Variants in TJP1 observed in about 807,000 individuals in gnomAD.
TJP1 encodes tight junction protein 1.
Under a neutral mutation model 194.2 loss-of-function variants are expected in TJP1, and 43 were observed. The observed-to-expected ratio is 0.22, with a 90% CI of 0.17 to 0.29. The LOEUF (loss-of-function observed/expected upper bound fraction) is 0.29, where lower values mean the gene tolerates loss of function less well. TJP1 is among the 10% of genes least tolerant of loss of function. The pLI, the probability that TJP1 is intolerant of heterozygous loss-of-function variation, is 1.00. For missense variants in TJP1, 1,971 were observed against 2,185.7 expected, an observed-to-expected ratio of 0.90 and a Z score of 1.96; for synonymous variants, 801 against 779.0, an observed-to-expected ratio of 1.03 and a Z score of -0.47.
rs538706229 is a variant in TJP1, at chr15:29,701,913, T to A, written c.5213-224A>T. Among the ~76,000 whole-genome samples the A allele has an allele frequency of 4.6e-5, 7 of 152,176 alleles. 1 individual carries two copies. The South Asian group carries it at 1.5e-3, about 32-fold the overall frequency. On this transcript the variant is annotated intron_variant, in intron 27 of 27. Coordinates refer to ENST00000614355, the MANE Select transcript of TJP1 (RefSeq NM_001330239.4). Reference sequence around the variant, plus strand: ...TCTAAAAAAATTTTTTTTAAAACGTTCTTTCTAACTCACACCATTAAGAAC... The same window carrying A: ...TCTAAAAAAATTTTTTTTAAAACGTACTTTCTAACTCACACCATTAAGAAC...
chr15:29,830,496 A>G (rs895802786), intron 2 of TJP1, among the ~76,000 whole-genome samples: 1 of 150,522 alleles, frequency 6.6e-6, no homozygotes, highest in African/African-American at 2.4e-5. Context: ...TTTCAAAGTA[A>G]TATTAACATT....
chr15:29,923,603 T>C (rs1485348014), intron 2 of TJP1, among the ~76,000 whole-genome samples: 2 of 152,068 alleles, frequency 1.3e-5, no homozygotes, highest in Admixed American at 6.5e-5. Flanking sequence ...ATATCCCAAA[T>C]AGGAAAATCT....
chr15:29,949,793 T>A (rs374964458), intron 2 of TJP1, among the ~76,000 whole-genome samples: 91 of 37,136 alleles, frequency 2.5e-3, no homozygotes, highest in East Asian at 0.011. Context: ...CACCACCACC[T>A]CCACCACAAC....
rs2042578347 is a variant in TJP1 at position 29,716,600 on chromosome 15, A to T, written c.4202+11T>A. On this transcript the variant is annotated intron_variant, in intron 23 of 27. Transcript: ENST00000614355. ...GCATCCTATTTTTAAAAGCCAGGTGAAATAGCTTACTTTGAAGAATAACTA... is the reference window on the plus strand; with the variant it reads ...GCATCCTATTTTTAAAAGCCAGGTGTAATAGCTTACTTTGAAGAATAACTA... 1.9e-6 allele frequency: 3 copies of T among 1,595,548 alleles called. No homozygotes were observed. Among genetic ancestry groups the T allele is most frequent in the South Asian group, 2.2e-5 (2 of 90,488 alleles).
intron 8 of TJP1, among the ~76,000 whole-genome samples, chr15:29,752,979 A>C (rs1280253505): frequency 6.6e-6 from 1 of 152,040 alleles, no homozygotes; most frequent in East Asian, 1.9e-4. Context: ...GGTCTTTCTT[A>C]CCCAGTTCAA....
At chr15:29,791,413 C>CTTTTTTT in intron 2 of TJP1, among the ~76,000 whole-genome samples, 2 of 51,190 alleles carry the variant, frequency 3.9e-5, no homozygotes, top group Non-Finnish European at 3.4e-5. Flanking sequence ...CCATAATATT[C>CTTTTTTT]TTTTTTTTTT....
At chr15:29,851,945 C>G (rs938828076) in intron 2 of TJP1, among the ~76,000 whole-genome samples, 3 of 152,192 alleles carry the variant, frequency 2.0e-5, no homozygotes, top group Non-Finnish European at 4.4e-5. Context: ...AAAAATGACC[C>G]TGGATCTAAA....
intron 11 of TJP1, 47 bp from the exon 12 acceptor site, chr15:29,734,429 GAAAATA>G: frequency 7.3e-7 from 1 of 1,367,276 alleles, no homozygotes; most frequent in Non-Finnish European, 1.0e-6. Context: ...TTAAGAATAT[GAAAATA>G]ACATACGCAG....
chr15:29,956,337 A>G, exon 2 of TJP1: 5 of 1,289,002 alleles, frequency 3.9e-6, no homozygotes, highest in Non-Finnish European at 5.1e-6. Context: ...AAGTAGCACC[A>G]TTAGGATTTT....
chr15:29,860,766 T>C (rs1001347755), intron 2 of TJP1, among the ~76,000 whole-genome samples: 1 of 152,220 alleles, frequency 6.6e-6, no homozygotes, highest in Non-Finnish European at 1.5e-5. Context: ...TTAATGAGCT[T>C]TGCAGACACT....
chr15:29,820,517 C>T (rs1567097755), intron 1 of TJP1: 2 of 716,760 alleles, frequency 2.8e-6, no homozygotes, highest in Non-Finnish European at 5.2e-6. Context: ...AGGAGAAGTA[C>T]TCCTCCTACC....
At chr15:29,873,057 CA>C (rs1422298377) in intron 2 of TJP1, among the ~76,000 whole-genome samples, 7 of 152,244 alleles carry the variant, frequency 4.6e-5, no homozygotes, top group African/African-American at 1.4e-4. Context: ...ATGGGTCTTG[CA>C]GGATGAATGG....
At chr15:29,717,995 C>T (rs1325077570) in intron 22 of TJP1, 26 bp downstream of exon 22, 1 of 1,585,652 alleles carries the variant, frequency 6.3e-7, no homozygotes, top group African/African-American at 1.4e-5. Flanking sequence ...CAGTTCTATG[C>T]CACAAAGAGC....
At chr15:29,929,432 C>G (rs1178595928) in intron 2 of TJP1, among the ~76,000 whole-genome samples, 1 of 152,144 alleles carries the variant, frequency 6.6e-6, no homozygotes, top group Non-Finnish European at 1.5e-5. Context: ...TGCTGTGGCT[C>G]AGGCCTGTAG....
At chr15:29,787,526 C>T (rs1436748921) in intron 2 of TJP1, among the ~76,000 whole-genome samples, 1 of 152,132 alleles carries the variant, frequency 6.6e-6, no homozygotes, top group Non-Finnish European at 1.5e-5. Flanking sequence ...TCTCAATCCC[C>T]TAGCCTCATC....
intron 5 of TJP1, among the ~76,000 whole-genome samples, chr15:29,765,219 G>C (rs1480922131): frequency 6.6e-6 from 1 of 152,128 alleles, no homozygotes; most frequent in Non-Finnish European, 1.5e-5. Flanking sequence ...GAGCGGAAAA[G>C]ATACCAGACC....
chr15:29,700,716 C>A lies in TJP1; in HGVS notation c.*879G>T. 5.5e-5 allele frequency: 12 copies of A among 216,222 alleles called. No individual in the cohort carries two copies. Among genetic ancestry groups the A allele is most frequent in the East Asian group, 1.5e-4 (2 of 13,654 alleles). 13.4% of individuals were successfully genotyped at this position (216,222 alleles called of 1,614,324 possible). A position where few individuals can be genotyped will look rare whatever the true frequency, so the allele number is the denominator to read the frequency against. The stretch of plus-strand genomic sequence containing the variant: ...AAAGAACAGAAAACCACCACTGCCC[C>A]TTGTCAAAAAAAAAAAAAAAGAAAA... On this transcript the variant is annotated 3_prime_UTR_variant, in exon 28 of 28. Coordinates refer to ENST00000614355, the MANE Select transcript of TJP1 (RefSeq NM_001330239.4).
At chr15:29,884,436 T>C (rs542839022) in intron 2 of TJP1, among the ~76,000 whole-genome samples, 2 of 152,260 alleles carry the variant, frequency 1.3e-5, no homozygotes, top group Admixed American at 1.3e-4. Flanking sequence ...CACTAAATTT[T>C]GAGAATCTCT....
intron 2 of TJP1, among the ~76,000 whole-genome samples, chr15:29,865,966 T>TA (rs1256208433): frequency 6.6e-6 from 1 of 152,228 alleles, no homozygotes; most frequent in Non-Finnish European, 1.5e-5. Context: ...AGAGAAGCTT[T>TA]CTGCCCTTGA....
Sources: allele counts gnomAD v4.1 joint callset (sites outside exome capture counted in the v4.1 genomes callset), GRCh38; gene constraint gnomAD v4.1.1; transcripts MANE v1.5; gene names NCBI Gene and HGNC (gene_info 2026-07-23, HGNC 2026-07-21).